Variants in BUB1B observed in about 807,000 individuals in gnomAD.
BUB1B encodes the protein BUB1 mitotic checkpoint serine/threonine kinase B.
BUB1B carries 86 observed loss-of-function variants against 137.7 expected under a neutral mutation model. The ratio of observed to expected loss-of-function variants is 0.62; its 90% CI spans 0.52 to 0.75. The LOEUF is 0.75. Among genes scored for constraint, BUB1B ranks in the 30% least tolerant of loss-of-function variants. BUB1B has a pLI of 0.00. For missense variants in BUB1B, 1,130 were observed against 1,236.9 expected, an observed-to-expected ratio of 0.91 and a Z score of 1.30; for synonymous variants, 420 against 417.9, an observed-to-expected ratio of 1.00 and a Z score of -0.06.
chr15:40,164,248 A>T (rs1046443957), intron 1 of BUB1B, among the ~76,000 whole-genome samples: 5 of 151,530 alleles, frequency 3.3e-5, no homozygotes, highest in Non-Finnish European at 5.9e-5. Context: ...TTTTTTTTTG[A>T]GACAGGGTCT....
intron 8 of BUB1B, among the ~76,000 whole-genome samples, chr15:40,188,389 A>T (rs2037394839): frequency 6.6e-6 from 1 of 151,438 alleles, no homozygotes; most frequent in South Asian, 2.1e-4. Context: ...GTTTTATTTG[A>T]CCTCTCCACA....
intron 8 of BUB1B, chr15:40,186,910 T>C (rs1371458307): frequency 1.3e-5 from 2 of 151,972 alleles, no homozygotes; most frequent in Non-Finnish European, 1.5e-5. Flanking sequence ...TTTCTTTTTT[T>C]TTTTTTCTTT....
At chr15:40,182,485 G>A (rs2037306749) in intron 5 of BUB1B, among the ~76,000 whole-genome samples, 1 of 152,174 alleles carries the variant, frequency 6.6e-6, no homozygotes, top group African/African-American at 2.4e-5. Flanking sequence ...TGGTTCCACT[G>A]TCAGTTCAGT....
chr15:40,164,954 A>C, intron 1 of BUB1B, 99 bp from the exon 2 acceptor site: 1 of 1,466,734 alleles, frequency 6.8e-7, no homozygotes, highest in Non-Finnish European at 9.5e-7. Context: ...TATTCAACCC[A>C]AGACCATGAA....
chr15:40,190,938 A>C (rs146853658), intron 8 of BUB1B, among the ~76,000 whole-genome samples: 2,181 of 148,570 alleles, frequency 0.015, 57 homozygotes, highest in African/African-American at 0.052. Flanking sequence ...CCCATTCTGG[A>C]GTGCAGTAGT....
Position 40,176,507 on chromosome 15 carries a change from TAC to T in BUB1B, c.417_418del (p.Tyr139Ter). 1 of 1,614,180 alleles carries T rather than the reference TAC, an allele frequency of 6.2e-7. No homozygotes were observed. The highest frequency in any genetic ancestry group is 8.5e-7 in the Non-Finnish European group (1 of 1,180,016). ...TTTATGCAATGAGCCTTTGGATATGTACAGTTACTTGCACAACCAAGGGATTG... is the reference window on the plus strand; with the variant it reads ...TTTATGCAATGAGCCTTTGGATATGTAGTTACTTGCACAACCAAGGGATTG... ...GRLCNEPLDM[Y>X]SYLHNQGIGV... On this transcript the variant is annotated frameshift_variant, in exon 5 of 23. Coordinates refer to ENST00000287598, the MANE Select transcript of BUB1B (RefSeq NM_001211.6). LOFTEE classifies it high-confidence loss of function.
At chr15:40,200,046 C>G in intron 10 of BUB1B, 198 bp from the exon 11 acceptor site, 2 of 620,566 alleles carry the variant, frequency 3.2e-6, no homozygotes, top group Admixed American at 2.6e-5. Flanking sequence ...TTAGTATATG[C>G]CTGGCACTGC....
intron 15 of BUB1B, among the ~76,000 whole-genome samples, chr15:40,207,407 C>CA (rs1040679693): frequency 9.9e-5 from 15 of 151,982 alleles, no homozygotes; most frequent in Non-Finnish European, 2.2e-4. Context: ...AGTTGAAGAC[C>CA]AGCCTGGTCA....
At chr15:40,172,074 GAAAT>G (rs532163316) in intron 4 of BUB1B, among the ~76,000 whole-genome samples, 78 of 149,234 alleles carry the variant, frequency 5.2e-4, no homozygotes, top group South Asian at 1.7e-3. Context: ...AATAAAGTAA[GAAAT>G]AAATTTCTTA....
intron 15 of BUB1B, among the ~76,000 whole-genome samples, chr15:40,207,628 A>G (rs549720874): frequency 3.3e-5 from 5 of 152,324 alleles, no homozygotes; most frequent in South Asian, 4.1e-4. Flanking sequence ...TATAGAGTAG[A>G]TATTTACTAT....
chr15:40,200,992 T>G lies in BUB1B; in HGVS notation c.1567+12T>G. ...ACCTCATTCTAAAGGTGAGTTGTAT[T>G]TGACAGCCTTGAGAAGAACTTGCTG... On this transcript the variant is annotated intron_variant, in intron 12 of 22. Coordinates refer to ENST00000287598, the MANE Select transcript of BUB1B (RefSeq NM_001211.6). 1.2e-6 allele frequency: 2 copies of G among 1,611,330 alleles called. No individual in the cohort carries two copies. Among genetic ancestry groups the G allele is most frequent in the Non-Finnish European group, 8.5e-7 (1 of 1,177,802 alleles).
At chr15:40,205,635 C>T (rs2037628097) in intron 14 of BUB1B, among the ~76,000 whole-genome samples, 1 of 151,986 alleles carries the variant, frequency 6.6e-6, no homozygotes, top group Admixed American at 6.6e-5. Flanking sequence ...CACAATGTGG[C>T]CATTATGTTT....
Position 40,202,481 on chromosome 15 carries a change from GT to G in BUB1B, c.1628+23del, listed in dbSNP as rs748561005. ...AGAATAAAAGGTACGTTGTTTTTTTGTTTTTTTGGTTTTTTTTTACTTAAGA... is the reference window on the plus strand; with the variant it reads ...AGAATAAAAGGTACGTTGTTTTTTTGTTTTTTGGTTTTTTTTTACTTAAGA... On this transcript the variant is annotated intron_variant, in intron 13 of 22. Coordinates refer to ENST00000287598, the MANE Select transcript of BUB1B (RefSeq NM_001211.6). 1.2e-6 allele frequency: 2 copies of G among 1,602,492 alleles called. No homozygotes were observed. The highest frequency in any genetic ancestry group is 1.7e-4 in the Middle Eastern group (1 of 6,028).
At position 40,165,200 on chromosome 15, in the gene BUB1B, T is replaced by G; in HGVS notation, c.179+4T>G. 1.2e-6 allele frequency: 2 copies of G among 1,614,140 alleles called. No homozygotes were observed. The highest frequency in any genetic ancestry group is 2.2e-5 in the South Asian group (2 of 91,080). Reference sequence around the variant, plus strand: ...ATACTCTTCAGCAGCAGAAACGGTGTGTAGAATGGCTGAGTCTCAACCTGT... The same window carrying G: ...ATACTCTTCAGCAGCAGAAACGGTGGGTAGAATGGCTGAGTCTCAACCTGT... On this transcript the variant is annotated splice_donor_region_variant and intron_variant, in intron 2 of 22. Transcript: ENST00000287598.
intron 6 of BUB1B, among the ~76,000 whole-genome samples, chr15:40,184,415 T>A (rs2037334610): frequency 6.6e-6 from 1 of 152,092 alleles, no homozygotes; most frequent in Admixed American, 6.6e-5. Context: ...AGCAGTTCTT[T>A]TGCCTCAGCC....
At chr15:40,214,054 G>T (rs984705083) in intron 20 of BUB1B, among the ~76,000 whole-genome samples, 1 of 152,162 alleles carries the variant, frequency 6.6e-6, no homozygotes, top group African/African-American at 2.4e-5. Flanking sequence ...TGAATATTTT[G>T]AGGAATATAA....
intron 1 of BUB1B, among the ~76,000 whole-genome samples, chr15:40,164,080 G>T (rs2037067967): frequency 6.6e-6 from 1 of 152,148 alleles, no homozygotes; most frequent in African/African-American, 2.4e-5. Flanking sequence ...TTTCTCAGTA[G>T]GCTTGCTAGA....
rs117817085 is a variant in BUB1B at position 40,205,942 on chromosome 15, A to G, written c.1735-242A>G. ...ATTTGTGCTTTAGTTCATAGGTGAA[A>G]TTTGTTGAGGAACAAAACCATTGCC... On this transcript the variant is annotated intron_variant, in intron 14 of 22. Transcript: ENST00000287598. Among the ~76,000 whole-genome samples, 2,693 of 152,312 alleles carry G rather than the reference A, an allele frequency of 0.018. 41 individuals carry two copies. Among genetic ancestry groups the G allele is most frequent in the Non-Finnish European group, 0.024 (1,609 of 68,012 alleles).
At chr15:40,197,873 A>C (rs1189503784) in intron 9 of BUB1B, among the ~76,000 whole-genome samples, 1 of 152,208 alleles carries the variant, frequency 6.6e-6, no homozygotes, top group East Asian at 1.9e-4. Context: ...AAGGCTTTTA[A>C]AAAAGGAGAA....
Sources: allele counts gnomAD v4.1 joint callset (sites outside exome capture counted in the v4.1 genomes callset), GRCh38; gene constraint gnomAD v4.1.1; transcripts MANE v1.5; gene names NCBI Gene and HGNC (gene_info 2026-07-23, HGNC 2026-07-21).